Variants in MDFIC2 observed in about 807,000 individuals in gnomAD.
The protein encoded by MDFIC2 is myoD family inhibitor domain-containing protein 2.
intron 2 of MDFIC2, among the ~76,000 whole-genome samples, chr3:70,273,961 C>A (rs1701997820): frequency 6.6e-6 from 1 of 151,548 alleles, no homozygotes; most frequent in Non-Finnish European, 1.5e-5. Flanking sequence ...TGCACCCGGC[C>A]CAGAATTTTC....
intron 2 of MDFIC2, among the ~76,000 whole-genome samples, chr3:70,274,284 C>G (rs1363769340): frequency 6.6e-6 from 1 of 151,860 alleles, no homozygotes. Flanking sequence ...TATTTTAGAG[C>G]TTTTGATTGC....
chr3:70,208,522 G>A (rs1388311484), intron 2 of MDFIC2, among the ~76,000 whole-genome samples: 2 of 152,016 alleles, frequency 1.3e-5, no homozygotes, highest in Admixed American at 1.3e-4. Context: ...TAAAGCTCTG[G>A]TATTCCCCTA....
At chr3:70,297,434 C>T (rs1429857156) in intron 2 of MDFIC2, among the ~76,000 whole-genome samples, 1 of 152,018 alleles carries the variant, frequency 6.6e-6, no homozygotes, top group African/African-American at 2.4e-5. Flanking sequence ...TATACTTCTG[C>T]TTAACCCTCA....
intron 2 of MDFIC2, among the ~76,000 whole-genome samples, chr3:70,226,285 A>G (rs192310443): frequency 1.3e-5 from 2 of 152,318 alleles, no homozygotes; most frequent in East Asian, 1.9e-4. Context: ...TTGCTCTTCA[A>G]TGTGTGAGAG....
intron 2 of MDFIC2, among the ~76,000 whole-genome samples, chr3:70,211,500 T>TTG (rs750993501): frequency 1.4e-5 from 1 of 70,966 alleles, no homozygotes; most frequent in Non-Finnish European, 3.2e-5. Flanking sequence ...TCCCTTCCCT[T>TTG]CCCTTTGCCC....
At chr3:70,209,527 A>G (rs1014708234) in intron 2 of MDFIC2, among the ~76,000 whole-genome samples, 2 of 152,110 alleles carry the variant, frequency 1.3e-5, no homozygotes, top group African/African-American at 4.8e-5. Context: ...ATGAATGGGT[A>G]TCCCCAGTTA....
At chr3:70,296,948 T>G (rs1467391813) in intron 2 of MDFIC2, among the ~76,000 whole-genome samples, 2 of 151,938 alleles carry the variant, frequency 1.3e-5, no homozygotes, top group South Asian at 2.1e-4. Flanking sequence ...GCCTCTCTGG[T>G]CTAGTTTATT....
intron 2 of MDFIC2, among the ~76,000 whole-genome samples, chr3:70,271,029 A>T (rs769607896): frequency 6.6e-5 from 10 of 152,200 alleles, no homozygotes; most frequent in Non-Finnish European, 1.0e-4. Flanking sequence ...AACTTCAAGT[A>T]TAATAATAAA....
chr3:70,258,641 T>C (rs987118845), intron 2 of MDFIC2, among the ~76,000 whole-genome samples: 5 of 152,132 alleles, frequency 3.3e-5, no homozygotes, highest in African/African-American at 9.7e-5. Context: ...GCTCTCACAC[T>C]ACTGGAAATT....
Position 70,196,849 on chromosome 3 carries a change from C to T in MDFIC2, c.*77G>A. The T allele has an allele frequency of 2.5e-6, 1 of 397,784 alleles. No individual in the cohort carries two copies. The highest frequency in any genetic ancestry group is 3.6e-5 in the East Asian group (1 of 28,080). The allele number at this position is 397,784 out of a possible 1,614,324, so 24.6% of individuals were successfully genotyped here. On this transcript the variant is annotated 3_prime_UTR_variant, in exon 4 of 4. Transcript: ENST00000567252. ...TGTGTACAGTCCTTACATTTCAGCA[C>T]ATGGAAATCAGTCTTGTTGTAATGG...
At chr3:70,240,476 T>C (rs576825208) in intron 2 of MDFIC2, among the ~76,000 whole-genome samples, 4 of 152,250 alleles carry the variant, frequency 2.6e-5, no homozygotes, top group Admixed American at 1.3e-4. Flanking sequence ...TCTTTGGAAG[T>C]TGGACCCTAA....
At chr3:70,293,617 G>T (rs771279074) in intron 2 of MDFIC2, among the ~76,000 whole-genome samples, 1 of 151,992 alleles carries the variant, frequency 6.6e-6, no homozygotes, top group Non-Finnish European at 1.5e-5. Flanking sequence ...GTGTTAGCTT[G>T]GTTTTTGCCA....
chr3:70,199,197 T>C lies in MDFIC2; in HGVS notation c.311-2012A>G, dbSNP rs1172841758. On this transcript the variant is annotated intron_variant, in intron 3 of 3. Transcript: ENST00000567252. ...GAGTTAAGTAGGGTGGGAATGCAGG[T>C]GACCTTAAGGATTGGAGCTGGTGTT... 1.3e-5 allele frequency among the ~76,000 whole-genome samples: 2 copies of C among 152,176 alleles called. 1 individual carries two copies. The highest frequency in any genetic ancestry group is 6.3e-3 in the Middle Eastern group (2 of 316).
At chr3:70,242,033 T>C (rs542366437) in intron 2 of MDFIC2, among the ~76,000 whole-genome samples, 1 of 152,326 alleles carries the variant, frequency 6.6e-6, no homozygotes, top group South Asian at 2.1e-4. Context: ...CTGACTACAC[T>C]ATCTTTGATG....
At chr3:70,310,257 T>C (rs999297986) in intron 2 of MDFIC2, among the ~76,000 whole-genome samples, 1 of 152,116 alleles carries the variant, frequency 6.6e-6, no homozygotes, top group Non-Finnish European at 1.5e-5. Flanking sequence ...TTAGAGTCTC[T>C]TAAAGAGATA....
chr3:70,234,639 CAA>C (rs34609524), intron 2 of MDFIC2, among the ~76,000 whole-genome samples: 115 of 118,752 alleles, frequency 9.7e-4, no homozygotes, highest in African/African-American at 1.7e-3. Context: ...GACCCTGGCT[CAA>C]AAAAAAAAAA....
At chr3:70,212,456 T>C (rs1209260404) in intron 2 of MDFIC2, among the ~76,000 whole-genome samples, 2 of 152,112 alleles carry the variant, frequency 1.3e-5, no homozygotes, top group Admixed American at 6.5e-5. Context: ...TTAAAACTAT[T>C]ATTTGACTGG....
chr3:70,284,341 C>T (rs1702118800), intron 2 of MDFIC2, among the ~76,000 whole-genome samples: 1 of 152,108 alleles, frequency 6.6e-6, no homozygotes, highest in African/African-American at 2.4e-5. Context: ...AAGTTGTAAA[C>T]TAATAAAGTT....
intron 2 of MDFIC2, among the ~76,000 whole-genome samples, chr3:70,221,433 G>T (rs898381916): frequency 6.6e-6 from 1 of 152,144 alleles, no homozygotes; most frequent in African/African-American, 2.4e-5. Context: ...AACTGGTAAA[G>T]ATTAGGAGGA....
Sources: gnomAD v4.1 joint callset for allele counts (sites outside exome capture counted in the v4.1 genomes callset) on GRCh38, gnomAD v4.1.1 for gene constraint, MANE v1.5 for transcripts, NCBI Gene and HGNC (gene_info 2026-07-23, HGNC 2026-07-21) for gene names.